Variants in TTC39C observed in about 807,000 individuals in gnomAD.
TTC39C encodes the protein tetratricopeptide repeat protein 39C.
Under a neutral mutation model 76.3 loss-of-function variants are expected in TTC39C, and 33 were observed. That is an observed-to-expected ratio of 0.43 (90% CI 0.33 to 0.58). The LOEUF (loss-of-function observed/expected upper bound fraction) is 0.58, where lower values mean the gene tolerates loss of function less well. TTC39C is among the 20% of genes least tolerant of loss of function. The pLI is 0.04. For synonymous variants in TTC39C, 254 were observed against 260.6 expected (o/e 0.97, Z 0.24); for missense variants, 595 against 701.4 (o/e 0.85, Z 1.71).
chr18:24,063,803 C>T (rs529169810), intron 1 of TTC39C, among the ~76,000 whole-genome samples: 2 of 152,120 alleles, frequency 1.3e-5, no homozygotes, highest in African/African-American at 2.4e-5. Flanking sequence ...CGTGAGCCAC[C>T]GCGCCTGGCC....
intron 6 of TTC39C, among the ~76,000 whole-genome samples, chr18:24,094,825 A>C (rs2145780783): frequency 6.6e-6 from 1 of 152,354 alleles, no homozygotes; most frequent in Admixed American, 6.5e-5. Flanking sequence ...GAGGAAGAGT[A>C]GATATAGCCT....
chr18:24,060,305 G>T (rs1422229157), intron 1 of TTC39C, among the ~76,000 whole-genome samples: 2 of 141,114 alleles, frequency 1.4e-5, no homozygotes, highest in East Asian at 2.2e-4. Context: ...GTTTTGATTT[G>T]CGTTTCTGTT....
intron 1 of TTC39C, among the ~76,000 whole-genome samples, chr18:24,054,091 T>C (rs2083986172): frequency 6.6e-6 from 1 of 152,202 alleles, no homozygotes; most frequent in Non-Finnish European, 1.5e-5. Context: ...CGCATTTGTT[T>C]TTGGAAAAAA....
intron 10 of TTC39C, among the ~76,000 whole-genome samples, chr18:24,126,879 A>G (rs1386746860): frequency 1.3e-5 from 2 of 152,182 alleles, no homozygotes; most frequent in East Asian, 3.9e-4. Flanking sequence ...GCAAGCATAG[A>G]ACATCTATAA....
chr18:24,102,055 C>T (rs552638472), intron 6 of TTC39C, among the ~76,000 whole-genome samples: 1 of 152,298 alleles, frequency 6.6e-6, no homozygotes, highest in East Asian at 1.9e-4. Flanking sequence ...AAGGCAGTAC[C>T]TCCCACTAGG....
At chr18:24,122,164 T>C (rs1437812098) in intron 8 of TTC39C, among the ~76,000 whole-genome samples, 3 of 152,130 alleles carry the variant, frequency 2.0e-5, no homozygotes, top group Admixed American at 1.3e-4. Flanking sequence ...GATAGGTGAC[T>C]GCTTGACCAT....
intron 1 of TTC39C, among the ~76,000 whole-genome samples, chr18:24,017,976 A>G (rs982699192): frequency 1.3e-5 from 2 of 152,216 alleles, no homozygotes; most frequent in Admixed American, 1.3e-4. Context: ...AGAAATGGTT[A>G]CTTTGTAGAA....
chr18:24,060,673 A>G (rs1016615587), intron 1 of TTC39C, among the ~76,000 whole-genome samples: 4 of 152,190 alleles, frequency 2.6e-5, no homozygotes, highest in Non-Finnish European at 5.9e-5. Context: ...ATTCTGGACT[A>G]TAAGATTTAA....
At chr18:24,127,984 C>G (rs920415871) in intron 10 of TTC39C, among the ~76,000 whole-genome samples, 1 of 152,210 alleles carries the variant, frequency 6.6e-6, no homozygotes, top group Non-Finnish European at 1.5e-5. Flanking sequence ...CTGTAACCCT[C>G]GAGGCCATTG....
intron 1 of TTC39C, among the ~76,000 whole-genome samples, chr18:24,009,229 GA>G (rs1419909409): frequency 6.6e-6 from 1 of 152,164 alleles, no homozygotes; most frequent in African/African-American, 2.4e-5. Context: ...CTAGTGGAAA[GA>G]TTTTTTTTGC....
intron 9 of TTC39C, among the ~76,000 whole-genome samples, chr18:24,125,180 C>A (rs1482604778): frequency 1.3e-5 from 2 of 152,228 alleles, no homozygotes; most frequent in Non-Finnish European, 2.9e-5. Context: ...GCGTGAGCCA[C>A]CATGCCTGGC....
At chr18:24,130,690 G>A (rs142274387) in intron 12 of TTC39C, among the ~76,000 whole-genome samples, 75 of 152,028 alleles carry the variant, frequency 4.9e-4, no homozygotes, top group African/African-American at 1.8e-3. Context: ...TTCCTTCCTT[G>A]TGCAAACATC....
At chr18:24,109,411 T>G (rs1599334244) in intron 6 of TTC39C, among the ~76,000 whole-genome samples, 4 of 152,090 alleles carry the variant, frequency 2.6e-5, no homozygotes, top group African/African-American at 9.7e-5. Context: ...AGCAAATTAT[T>G]TCCTAGGTTC....
intron 1 of TTC39C, among the ~76,000 whole-genome samples, chr18:24,043,390 C>T (rs1316771898): frequency 1.3e-5 from 2 of 152,098 alleles, no homozygotes; most frequent in Non-Finnish European, 2.9e-5. Flanking sequence ...TCAGTGACAC[C>T]ATTCTTTTTT....
intron 5 of TTC39C, among the ~76,000 whole-genome samples, chr18:24,081,416 CT>C (rs1270273763): frequency 2.0e-5 from 3 of 152,018 alleles, no homozygotes; most frequent in Non-Finnish European, 4.4e-5. Flanking sequence ...TGTTATGTTC[CT>C]TGGTTTAAAC....
intron 1 of TTC39C, among the ~76,000 whole-genome samples, chr18:24,030,344 T>A (rs2083651549): frequency 1.3e-5 from 2 of 152,230 alleles, no homozygotes. Flanking sequence ...TGAGAAAACC[T>A]GTTTAAAAAT....
chr18:24,003,838 T>G (rs2083332199), intron 1 of TTC39C, among the ~76,000 whole-genome samples: 1 of 152,112 alleles, frequency 6.6e-6, no homozygotes, highest in Non-Finnish European at 1.5e-5. Context: ...GCCTCAAACT[T>G]TTGGGCTTGA....
chr18:24,006,142 A>G (rs890061955), intron 1 of TTC39C, among the ~76,000 whole-genome samples: 2 of 151,746 alleles, frequency 1.3e-5, no homozygotes, highest in Admixed American at 6.6e-5. Flanking sequence ...TCTCCCAAGG[A>G]GCTGGGACTA....
intron 1 of TTC39C, among the ~76,000 whole-genome samples, chr18:24,028,219 A>G (rs1224465003): frequency 6.6e-6 from 1 of 152,216 alleles, no homozygotes; most frequent in Non-Finnish European, 1.5e-5. Context: ...TTAGAAGTGT[A>G]GCCAAAGTGT....
Sources: allele counts gnomAD v4.1 joint callset (sites outside exome capture counted in the v4.1 genomes callset), GRCh38; gene constraint gnomAD v4.1.1; transcripts MANE v1.5; gene names NCBI Gene and HGNC (gene_info 2026-07-23, HGNC 2026-07-21).